Variants in ROBO1 observed in about 807,000 individuals in gnomAD.
ROBO1 encodes the protein roundabout homolog 1.
A neutral mutation model predicts 195.9 loss-of-function variants in ROBO1; 149 were observed. The observed-to-expected ratio is 0.76, with a 90% confidence interval of 0.67 to 0.87. ROBO1 has a LOEUF of 0.87. Ranked by LOEUF, ROBO1 falls within the 40% of genes least tolerant of loss-of-function variation. The pLI is 0.00. For synonymous variants in ROBO1, 816 were observed against 733.2 expected (o/e 1.11, Z -1.82); for missense variants, 1,933 against 2,068.3 (o/e 0.93, Z 1.27).
At chr3:79,300,261 G>T (rs905739707) in intron 2 of ROBO1, among the ~76,000 whole-genome samples, 1 of 152,222 alleles carries the variant, frequency 6.6e-6, no homozygotes, top group Non-Finnish European at 1.5e-5. Flanking sequence ...CGGCGCTTGC[G>T]GGCCAGCTGG....
chr3:79,591,804 G>T (rs549023434), intron 1 of ROBO1, among the ~76,000 whole-genome samples: 1 of 151,648 alleles, frequency 6.6e-6, no homozygotes, highest in South Asian at 2.1e-4. Flanking sequence ...ATTTCTGCTT[G>T]GCTGGCTTTT....
chr3:79,116,559 A>G (rs1576693634), intron 3 of ROBO1, among the ~76,000 whole-genome samples: 9 of 130,388 alleles, frequency 6.9e-5, no homozygotes, highest in Admixed American at 5.5e-4. Flanking sequence ...TCACTTTGTC[A>G]CCCAGGCTGG....
chr3:78,685,936 G>T lies in ROBO1; in HGVS notation c.1171-19C>A. 6.5e-7 allele frequency: 1 copy of T among 1,529,030 alleles called. No homozygotes were observed. The allele number at this position is 1,529,030 out of a possible 1,614,324, so 94.7% of individuals were successfully genotyped here. A position where few individuals can be genotyped will look rare whatever the true frequency, so the allele number is the denominator to read the frequency against. On this transcript the variant is annotated intron_variant, in intron 9 of 30. Coordinates refer to ENST00000464233, the MANE Select transcript of ROBO1 (RefSeq NM_002941.4). ...GTAGATTCTAGAACCCAGAAATTGG[G>T]ATGGAGGAAAATAAAAATAGGTTAA...
chr3:79,766,633 G>A (rs1377263495), intron 1 of ROBO1, among the ~76,000 whole-genome samples: 1 of 152,002 alleles, frequency 6.6e-6, no homozygotes, highest in African/African-American at 2.4e-5. Context: ...CGAGTTTTCC[G>A]CATCGGCCGC....
intron 2 of ROBO1, among the ~76,000 whole-genome samples, chr3:79,504,546 C>T (rs1168332625): frequency 3.3e-5 from 5 of 151,908 alleles, no homozygotes; most frequent in Non-Finnish European, 5.9e-5. Flanking sequence ...ACATGATGTC[C>T]GCATTTTCCA....
intron 2 of ROBO1, among the ~76,000 whole-genome samples, chr3:79,498,382 A>G (rs936102427): frequency 1.3e-5 from 2 of 152,182 alleles, no homozygotes; most frequent in Admixed American, 1.3e-4. Context: ...GTTATTATAA[A>G]TTCAACAGTT....
chr3:79,573,515 A>G (rs985231521), intron 2 of ROBO1, among the ~76,000 whole-genome samples: 2 of 152,222 alleles, frequency 1.3e-5, no homozygotes, highest in African/African-American at 4.8e-5. Context: ...TTTGCTTACA[A>G]AATTTATCCT....
chr3:79,150,176 C>A (rs567508735), intron 2 of ROBO1, among the ~76,000 whole-genome samples: 39 of 151,710 alleles, frequency 2.6e-4, no homozygotes, highest in African/African-American at 9.4e-4. Flanking sequence ...CTATGTATGT[C>A]TCTAATTTTG....
intron 8 of ROBO1, among the ~76,000 whole-genome samples, chr3:78,699,945 A>C (rs2081383965): frequency 6.6e-6 from 1 of 152,178 alleles, no homozygotes; most frequent in Admixed American, 6.5e-5. Flanking sequence ...ATCATATCAG[A>C]ATGCTACCTA....
chr3:78,824,101 T>C (rs968380266), intron 4 of ROBO1, among the ~76,000 whole-genome samples: 5 of 152,218 alleles, frequency 3.3e-5, no homozygotes, highest in Admixed American at 2.6e-4. Context: ...TTTATTTCCT[T>C]ATTCCTATAG....
chr3:79,176,904 C>T (rs967138912), intron 2 of ROBO1, among the ~76,000 whole-genome samples: 5 of 152,088 alleles, frequency 3.3e-5, no homozygotes, highest in African/African-American at 1.2e-4. Context: ...TCATATTCTA[C>T]AAAATATATT....
chr3:79,402,543 C>T (rs1575777317), intron 2 of ROBO1, among the ~76,000 whole-genome samples: 3 of 151,780 alleles, frequency 2.0e-5, no homozygotes, highest in South Asian at 2.1e-4. Context: ...ACAAAGTCAC[C>T]GGTATTTGAA....
In ROBO1 at chr3:79,195,010, A is replaced by G. The variant is rs1004174163; in HGVS notation, c.89-69471T>C. Among the ~76,000 whole-genome samples, 46 of 151,814 alleles carry G rather than the reference A, an allele frequency of 3.0e-4. 1 individual carries two copies. The highest frequency in any genetic ancestry group is 9.9e-4 in the African/African-American group (41 of 41,500). ...CTGGAGATAAAGAAACAGGTAGCCC[A>G]TGGAGTCTCTGTTAACACATCAAAA... is the stretch of plus-strand genomic sequence containing the variant. On this transcript the variant is annotated intron_variant, in intron 2 of 30. Coordinates refer to ENST00000464233, the MANE Select transcript of ROBO1 (RefSeq NM_002941.4).
chr3:79,409,807 T>C (rs2037693308), intron 2 of ROBO1, among the ~76,000 whole-genome samples: 1 of 152,170 alleles, frequency 6.6e-6, no homozygotes, highest in Admixed American at 6.6e-5. Context: ...AGTCACCTCT[T>C]AGAAAGTCAA....
chr3:79,270,447 AC>A (rs1576902655), intron 2 of ROBO1, among the ~76,000 whole-genome samples: 1 of 151,388 alleles, frequency 6.6e-6, no homozygotes, highest in South Asian at 2.1e-4. Context: ...TTAAAAAAAA[AC>A]AAATAAATTA....
intron 2 of ROBO1, among the ~76,000 whole-genome samples, chr3:79,463,817 A>T (rs1937792335): frequency 6.6e-6 from 1 of 152,212 alleles, no homozygotes; most frequent in Admixed American, 6.5e-5. Flanking sequence ...CATCTAAAGT[A>T]TACAACCCCA....
chr3:79,564,658 C>A (rs1464233227), intron 2 of ROBO1, among the ~76,000 whole-genome samples: 1 of 151,902 alleles, frequency 6.6e-6, no homozygotes, highest in Non-Finnish European at 1.5e-5. Context: ...CTTGATTTTG[C>A]AAGAAAGTTT....
intron 10 of ROBO1, among the ~76,000 whole-genome samples, chr3:78,673,367 T>C (rs558953453): frequency 1.3e-5 from 2 of 149,720 alleles, no homozygotes; most frequent in East Asian, 2.0e-4. Context: ...GTATAAGCAG[T>C]GTAACAGGTA....
chr3:78,849,831 TACACACACAC>T (rs576994363), intron 4 of ROBO1, among the ~76,000 whole-genome samples: 10 of 79,706 alleles, frequency 1.3e-4, no homozygotes, highest in East Asian at 4.6e-4. Context: ...TCTCTCCCAT[TACACACACAC>T]ACACACACAC....
Sources: gnomAD v4.1 joint callset for allele counts (sites outside exome capture counted in the v4.1 genomes callset) on GRCh38, gnomAD v4.1.1 for gene constraint, MANE v1.5 for transcripts, NCBI Gene and HGNC (gene_info 2026-07-23, HGNC 2026-07-21) for gene names.